RRM1: variants seen among roughly 807,000 people sequenced by gnomAD.
The protein encoded by RRM1 is ribonucleotide reductase catalytic subunit M1.
RRM1 carries 19 observed loss-of-function variants against 101.5 expected under a neutral mutation model. The ratio of observed to expected loss-of-function variants is 0.19; its 90% CI spans 0.13 to 0.27. The LOEUF is 0.27. Among genes scored for constraint, RRM1 ranks in the 10% least tolerant of loss-of-function variants. The probability of loss-of-function intolerance (pLI) is 1.00; values close to 1 mark genes in which losing one functional copy is unlikely to be tolerated. For missense variants in RRM1, 500 were observed against 962.9 expected, an observed-to-expected ratio of 0.52 and a Z score of 6.36; for synonymous variants, 298 against 323.4, an observed-to-expected ratio of 0.92 and a Z score of 0.84.
rs187455192 is a variant in RRM1, at chr11:4,099,864, A to C, written c.20-2129A>C. 1.9e-3 allele frequency among the ~76,000 whole-genome samples: 283 copies of C among 145,602 alleles called. 5 individuals are homozygous for C. Among genetic ancestry groups the C allele is most frequent in the East Asian group, 6.3e-3 (32 of 5,084 alleles). On this transcript the variant is annotated intron_variant, in intron 1 of 18. Coordinates refer to ENST00000300738, the MANE Select transcript of RRM1 (RefSeq NM_001033.5). ...TGTGAGTTAAGATAATTACCAATGC[A>C]CTTTTTTTTTTTTGTCAGTTTCCTG...
intron 7 of RRM1, among the ~76,000 whole-genome samples, chr11:4,114,017 C>T (rs2015627327): frequency 6.6e-6 from 1 of 151,976 alleles, no homozygotes; most frequent in Admixed American, 6.6e-5. Context: ...CACCTGTAGT[C>T]CCAGCGACTC....
chr11:4,125,509 C>T (rs1465254704), intron 12 of RRM1, among the ~76,000 whole-genome samples: 1 of 152,194 alleles, frequency 6.6e-6, no homozygotes, highest in African/African-American at 2.4e-5. Flanking sequence ...TAACCCACCT[C>T]ATCTGCGGTT....
intron 1 of RRM1, among the ~76,000 whole-genome samples, chr11:4,098,524 C>T (rs1443685534): frequency 6.6e-6 from 1 of 151,914 alleles, no homozygotes; most frequent in African/African-American, 2.4e-5. Context: ...AGTAGGCAGA[C>T]ATGGTTCCAG....
chr11:4,111,841 G>A (rs969954465), intron 6 of RRM1, 59 bp from the exon 7 acceptor site: 32 of 1,490,432 alleles, frequency 2.1e-5, no homozygotes, highest in Middle Eastern at 2.0e-4. Context: ...ATTCAAATAC[G>A]TATCTCAACC....
intron 15 of RRM1, among the ~76,000 whole-genome samples, chr11:4,130,086 A>ATATTTTTTTTTTTT (rs1202870487): frequency 3.0e-5 from 3 of 99,444 alleles, no homozygotes; most frequent in Admixed American, 1.1e-4. Context: ...ATATATATAT[A>ATATTTTTTTTTTTT]TTTTTTTTTT....
intron 9 of RRM1, among the ~76,000 whole-genome samples, chr11:4,121,331 G>A (rs1276703523): frequency 6.6e-6 from 1 of 152,188 alleles, no homozygotes; most frequent in Non-Finnish European, 1.5e-5. Flanking sequence ...TGCTGAAGAG[G>A]AGGCTCCATC....
At chr11:4,120,427 G>A (rs1370103644) in intron 9 of RRM1, among the ~76,000 whole-genome samples, 1 of 151,730 alleles carries the variant, frequency 6.6e-6, no homozygotes, top group African/African-American at 2.4e-5. Flanking sequence ...GCAATGGTGC[G>A]ATCTTGGCTC....
At position 4,094,903 on chromosome 11, in the gene RRM1, A is replaced by G. The variant is rs2094540840; in HGVS notation, c.-110A>G. 1 of 1,169,524 alleles carries G rather than the reference A, an allele frequency of 8.6e-7. No individual in the cohort carries two copies. The highest frequency in any genetic ancestry group is 1.3e-6 in the Non-Finnish European group (1 of 799,616). The allele number at this position is 1,169,524 out of a possible 1,614,324, so 72.4% of individuals were successfully genotyped here. ...GCTCCAACTCCAGTTCTTTCCCCTGAGCAGCGCCTGGAACCTAACCCTTCC... is the reference window on the plus strand; with the variant it reads ...GCTCCAACTCCAGTTCTTTCCCCTGGGCAGCGCCTGGAACCTAACCCTTCC... On this transcript the variant is annotated 5_prime_UTR_variant, in exon 1 of 19. Transcript: ENST00000300738.
At position 4,138,590 on chromosome 11, in the gene RRM1, GAAAA is replaced by G; in HGVS notation, c.*211_*214del. On this transcript the variant is annotated 3_prime_UTR_variant, in exon 19 of 19. Transcript: ENST00000300738. ...GGATTTTCACCAAAATAATGCTTTT[GAAAA>G]AAAGAAAAAAAAAACGGATATATTG... 1 of 352,634 alleles carries G rather than the reference GAAAA, an allele frequency of 2.8e-6. No individual in the cohort carries two copies. Among genetic ancestry groups the G allele is most frequent in the Non-Finnish European group, 5.0e-6 (1 of 199,332 alleles). 21.8% of individuals were successfully genotyped at this position (352,634 alleles called of 1,614,324 possible). A position where few individuals can be genotyped will look rare whatever the true frequency, so the allele number is the denominator to read the frequency against.
chr11:4,115,256 C>T (rs930333553), intron 7 of RRM1, among the ~76,000 whole-genome samples: 2 of 152,030 alleles, frequency 1.3e-5, no homozygotes, highest in African/African-American at 4.8e-5. Context: ...GGAAAGTGGT[C>T]TTTGTAGAGA....
At chr11:4,122,324 C>T in intron 11 of RRM1, 104 bp downstream of exon 11, 3 of 808,568 alleles carry the variant, frequency 3.7e-6, no homozygotes, top group Non-Finnish European at 5.6e-6. Context: ...TTTGAAGCAT[C>T]TAAGAGAAAA....
At chr11:4,103,781 A>ATTTTTTTT (rs36062278) in intron 2 of RRM1, among the ~76,000 whole-genome samples, 3 of 115,258 alleles carry the variant, frequency 2.6e-5, no homozygotes, top group Non-Finnish European at 3.5e-5. Context: ...CCACCACGCT[A>ATTTTTTTT]TTTTTTTTTT....
At position 4,129,147 on chromosome 11, in the gene RRM1, C is replaced by G; in HGVS notation, c.1766C>G (p.Ala589Gly). The change falls in exon 15 of 19, where the codon GCA (alanine) becomes GGA (glycine). Residue 589 changes from alanine to glycine, a missense_variant. By Grantham distance (60) the Ala-to-Gly change is moderately conservative (BLOSUM62 0). Around this residue, in one of 9 missense-constraint regions of RRM1, gnomAD observed 106 missense variants for 138.1 expected, o/e 0.77. Coordinates refer to ENST00000300738, the MANE Select transcript of RRM1 (RefSeq NM_001033.5). The stretch of plus-strand genomic sequence containing the variant: ...TGGAAGGTTCTCAAGGAGAAGATTG[C>G]AAAGTAAGTGAAAAGATGTAAAGTA... ...WDWKVLKEKI[A>G]KYGIRNSLLI... 6.3e-7 allele frequency: 1 copy of G among 1,587,424 alleles called. No homozygotes were observed.
In RRM1 at chr11:4,138,544, T is replaced by G; in HGVS notation, c.*161T>G. 4.7e-6 allele frequency: 2 copies of G among 424,484 alleles called. No homozygotes were observed. The highest frequency in any genetic ancestry group is 8.0e-6 in the Non-Finnish European group (2 of 249,444). 26.3% of individuals were successfully genotyped at this position (424,484 alleles called of 1,614,324 possible). ...GTACTGTTAATGATGATAATGATTT[T>G]TTTTTTAAACTCATATATTGGGATT... On this transcript the variant is annotated 3_prime_UTR_variant, in exon 19 of 19. Transcript: ENST00000300738.
rs771041323 is a variant in RRM1, at chr11:4,094,976, AG to A, written c.-36del. 73 of 1,555,204 alleles carry A rather than the reference AG, an allele frequency of 4.7e-5. No homozygotes were observed. The highest frequency in any genetic ancestry group is 6.2e-5 in the Non-Finnish European group (71 of 1,149,234). On this transcript the variant is annotated 5_prime_UTR_variant, in exon 1 of 19. Transcript: ENST00000300738. ...CGCCGGCGCTTTAGAGCCGCAGTCCAGTCTTGGATCCTTCAGAGCCTCAGCC... is the reference window on the plus strand; with the variant it reads ...CGCCGGCGCTTTAGAGCCGCAGTCCATCTTGGATCCTTCAGAGCCTCAGCC...
intron 3 of RRM1, among the ~76,000 whole-genome samples, chr11:4,107,080 A>G (rs1367168197): frequency 1.3e-5 from 2 of 152,070 alleles, no homozygotes; most frequent in African/African-American, 4.8e-5. Context: ...TTTTTAGTAG[A>G]GACGGGTTTC....
intron 15 of RRM1, among the ~76,000 whole-genome samples, chr11:4,131,511 A>C (rs2094600316): frequency 6.6e-6 from 1 of 152,214 alleles, no homozygotes; most frequent in Non-Finnish European, 1.5e-5. Context: ...CAAGTAGTTA[A>C]GGTATACGGA....
rs1295693499 is a variant in RRM1 at position 4,106,380 on chromosome 11, C to CT, written c.286+159dup. On this transcript the variant is annotated intron_variant, in intron 3 of 18. Transcript: ENST00000300738. ...TTGGGAGGCCAAGGCAGGCAAATCG[C>CT]TTGAGTCCAGGAGTTTGAGACCAGC... is the stretch of plus-strand genomic sequence containing the variant. 9 of 640,454 alleles carry CT rather than the reference C, an allele frequency of 1.4e-5. No individual in the cohort carries two copies. The East Asian group carries it at 2.5e-4, about 18-fold the overall frequency. 39.7% of individuals were successfully genotyped at this position (640,454 alleles called of 1,614,324 possible).
Position 4,122,153 on chromosome 11 carries a change from A to G in RRM1, c.1051A>G (p.Met351Val). 4 of 1,612,696 alleles carry G rather than the reference A, an allele frequency of 2.5e-6. No individual in the cohort carries two copies. The highest frequency in any genetic ancestry group is 1.7e-6 in the Non-Finnish European group (2 of 1,179,228). Residue 351 changes from methionine (M) to valine (V), a missense_variant, in exon 11 of 19, where the codon ATG becomes GTG. By Grantham distance (21) the Met-to-Val change is conservative. Transcript: ENST00000300738. ...CTTTCCTTTTTAGGACTGGTCTTTG[A>G]TGTGTCCAAATGAGTGTCCTGGTCT... ...RVETNQDWSLMCPNECPGLDE... is the reference protein window; with the variant it reads ...RVETNQDWSLVCPNECPGLDE...
Sources: allele counts gnomAD v4.1 joint callset (sites outside exome capture counted in the v4.1 genomes callset), GRCh38; gene constraint gnomAD v4.1.1; regional missense constraint gnomAD v4.1.1; transcripts MANE v1.5; gene names NCBI Gene and HGNC (gene_info 2026-07-23, HGNC 2026-07-21).